The following TBC1D31 variants were observed in gnomAD, a reference collection of about 807,000 sequenced individuals.
TBC1D31 encodes WD repeat domain 67.
In TBC1D31, 99 loss-of-function variants were observed where a neutral mutation model predicts 132.9. The ratio of observed to expected loss-of-function variants is 0.74; its 90% CI spans 0.63 to 0.88. The LOEUF (loss-of-function observed/expected upper bound fraction) is 0.88. Among genes scored for constraint, TBC1D31 ranks in the 40% least tolerant of loss-of-function variants. The probability of loss-of-function intolerance (pLI) is 0.00; values close to 1 mark genes in which losing one functional copy is unlikely to be tolerated. For synonymous variants in TBC1D31, 385 were observed against 419.4 expected, an observed-to-expected ratio of 0.92 and a Z score of 1.00; for missense variants, 1,134 against 1,256.6, an observed-to-expected ratio of 0.90 and a Z score of 1.48.
At chr8:123,131,641 A>G (rs1820641401) in intron 16 of TBC1D31, among the ~76,000 whole-genome samples, 1 of 152,188 alleles carries the variant, frequency 6.6e-6, no homozygotes, top group Non-Finnish European at 1.5e-5. Flanking sequence ...GGTTATTTGC[A>G]GTGTTTTGCA....
intron 17 of TBC1D31, among the ~76,000 whole-genome samples, chr8:123,137,147 A>G (rs1222569845): frequency 2.0e-5 from 3 of 152,224 alleles, no homozygotes; most frequent in Non-Finnish European, 4.4e-5. Flanking sequence ...AGTATAAACT[A>G]AAAGAAACAA....
chr8:123,086,822 C>T (rs771524740), intron 4 of TBC1D31, among the ~76,000 whole-genome samples: 6 of 151,966 alleles, frequency 3.9e-5, no homozygotes, highest in Non-Finnish European at 8.8e-5. Context: ...CAGATTCAAG[C>T]GATTCTCGCC....
At chr8:123,077,907 G>A (rs920881022) in intron 2 of TBC1D31, among the ~76,000 whole-genome samples, 1 of 152,088 alleles carries the variant, frequency 6.6e-6, no homozygotes, top group Non-Finnish European at 1.5e-5. Flanking sequence ...AATTAGCTGG[G>A]TGTGGAGGTG....
intron 16 of TBC1D31, among the ~76,000 whole-genome samples, chr8:123,130,967 A>C (rs1013993059): frequency 6.6e-6 from 1 of 152,114 alleles, no homozygotes; most frequent in Admixed American, 6.6e-5. Context: ...TATAAAAATT[A>C]TCTGTGGCCA....
intron 11 of TBC1D31, among the ~76,000 whole-genome samples, chr8:123,122,854 A>C (rs115313760): frequency 0.014 from 2,108 of 152,320 alleles, 42 homozygotes; most frequent in African/African-American, 0.048. Flanking sequence ...ACATGCCTGA[A>C]ATCTAAATTT....
chr8:123,127,922 A>G (rs1057374375), intron 13 of TBC1D31: 1 of 162,414 alleles, frequency 6.2e-6, no homozygotes, highest in Non-Finnish European at 1.3e-5. Context: ...AACTTTTTAG[A>G]TATTTTTAAA....
intron 4 of TBC1D31, among the ~76,000 whole-genome samples, chr8:123,086,664 T>C (rs963418278): frequency 2.0e-5 from 3 of 151,966 alleles, no homozygotes; most frequent in Non-Finnish European, 2.9e-5. Flanking sequence ...CATGCTACAT[T>C]GTCCACATCA....
chr8:123,108,129 C>G (rs7822934), intron 8 of TBC1D31, among the ~76,000 whole-genome samples: 93,775 of 151,970 alleles, frequency 0.62, 29,667 homozygotes, highest in African/African-American at 0.74. Context: ...CCTGTTTCTT[C>G]TTGTAAAAAG....
At chr8:123,142,035 C>T (rs6984928) in intron 18 of TBC1D31, among the ~76,000 whole-genome samples, 52,079 of 151,320 alleles carry the variant, frequency 0.34, 10,047 homozygotes, top group African/African-American at 0.53. Flanking sequence ...TAATTTCTAC[C>T]TGAAGAGCTT....
Position 123,097,284 on chromosome 8 carries a change from A to G in TBC1D31, c.674A>G (p.Asp225Gly), listed in dbSNP as rs746817829. 6 of 1,614,014 alleles carry G rather than the reference A, an allele frequency of 3.7e-6. No homozygotes were observed. Among genetic ancestry groups the G allele is most frequent in the South Asian group, 1.1e-5 (1 of 91,066 alleles). Residue 225 changes from aspartate to glycine, a missense_variant and splice_region_variant, in exon 6 of 22, where the codon GAT (aspartate) becomes GGT (glycine). Coordinates refer to ENST00000287380, the MANE Select transcript of TBC1D31 (RefSeq NM_145647.4). ...ILYKVFAVTR[D>G]GRILAAGGKS... The stretch of plus-strand genomic sequence containing the variant: ...TTCTCACTTTTTTGTTTATATAGAG[A>G]TGGCCGAATCCTGGCTGCTGGAGGC...
At chr8:123,095,173 G>A (rs779744009) in intron 5 of TBC1D31, among the ~76,000 whole-genome samples, 6 of 152,092 alleles carry the variant, frequency 3.9e-5, no homozygotes, top group Non-Finnish European at 7.4e-5. Context: ...AAAAACTGGA[G>A]GCTTGATCTG....
chr8:123,155,431 C>T (rs1761405508), downstream of TBC1D31, among the ~76,000 whole-genome samples: 1 of 152,152 alleles, frequency 6.6e-6, no homozygotes, highest in Non-Finnish European at 1.5e-5. The surrounding 1 kb of genome is among the most constrained non-coding windows in gnomAD (Gnocchi z 4.1). Flanking sequence ...CAACCATTTA[C>T]AGTAAAGGGC....
rs575029795 is a variant in TBC1D31 at position 123,136,288 on chromosome 8, T to C, written c.2499+2082T>C. On this transcript the variant is annotated intron_variant, in intron 17 of 21. Coordinates refer to ENST00000287380, the MANE Select transcript of TBC1D31 (RefSeq NM_145647.4). ...CTTTAGTCTCCTTTAAAATAAGAAA[T>C]GTTCGTGACTCTGTCTTTGTATTTT... is the stretch of plus-strand genomic sequence containing the variant. 2.0e-5 allele frequency among the ~76,000 whole-genome samples: 3 copies of C among 152,246 alleles called. No individual in the cohort carries two copies. The East Asian group carries it at 5.8e-4, about 29-fold the overall frequency.
chr8:123,123,024 G>A (rs1248071722), intron 11 of TBC1D31: 1 of 152,278 alleles, frequency 6.6e-6, no homozygotes, highest in Non-Finnish European at 1.5e-5. Context: ...GGCCATTGCA[G>A]TACCTGGAGC....
chr8:123,098,387 C>T (rs1817039965), intron 6 of TBC1D31, among the ~76,000 whole-genome samples: 1 of 152,040 alleles, frequency 6.6e-6, no homozygotes, highest in Non-Finnish European at 1.5e-5. Flanking sequence ...CTGCAACCTC[C>T]GCCTCCCAGG....
At position 123,076,338 on chromosome 8, in the gene TBC1D31, A is replaced by ATGTGTGTGTGTGTG. The variant is rs71310650; in HGVS notation, c.78-757_78-744dup. Among the ~76,000 whole-genome samples, 606 of 149,438 alleles carry ATGTGTGTGTGTGTG rather than the reference A, an allele frequency of 4.1e-3. 2 individuals are homozygous for ATGTGTGTGTGTGTG. The highest frequency in any genetic ancestry group is 0.014 in the African/African-American group (582 of 40,644). ...TTTATTTTTTCTTTTAATTGTGTGT[A>ATGTGTGTGTGTGTG]TGTGTGTGTGTGTGTGTGTGTGTGT... On this transcript the variant is annotated intron_variant, in intron 1 of 21. Coordinates refer to ENST00000287380, the MANE Select transcript of TBC1D31 (RefSeq NM_145647.4).
At chr8:123,114,416 GT>G (rs1818732862) in intron 10 of TBC1D31, among the ~76,000 whole-genome samples, 1 of 152,064 alleles carries the variant, frequency 6.6e-6, no homozygotes, top group African/African-American at 2.4e-5. Flanking sequence ...CCCCTCCCAG[GT>G]TCAGGTGATT....
rs1822830097 is a variant in TBC1D31, at chr8:123,151,988, A to C, written c.*49A>C. 2 of 1,371,074 alleles carry C rather than the reference A, an allele frequency of 1.5e-6. No homozygotes were observed. The highest frequency in any genetic ancestry group is 1.9e-6 in the Non-Finnish European group (2 of 1,051,268). 84.9% of individuals were successfully genotyped at this position (1,371,074 alleles called of 1,614,324 possible). ...CGAGAGAGAGACCTATTTTGCAATC[A>C]GTGACATTGATTTTTAGATTATTTA... On this transcript the variant is annotated 3_prime_UTR_variant, in exon 22 of 22. Coordinates refer to ENST00000287380, the MANE Select transcript of TBC1D31 (RefSeq NM_145647.4).
At chr8:123,090,703 C>T (rs1816231819) in intron 4 of TBC1D31, among the ~76,000 whole-genome samples, 1 of 152,156 alleles carries the variant, frequency 6.6e-6, no homozygotes, top group Admixed American at 6.5e-5. Flanking sequence ...GAGGCCAAGG[C>T]AGGCGGATCA....
Sources: gnomAD v4.1 joint callset for allele counts (sites outside exome capture counted in the v4.1 genomes callset) on GRCh38, gnomAD v4.1.1 for gene constraint, Gnocchi (gnomAD v3.1) non-coding constraint, MANE v1.5 for transcripts, NCBI Gene and HGNC (gene_info 2026-07-23, HGNC 2026-07-21) for gene names.